Variants in DPP3 observed in about 807,000 individuals in gnomAD.
The protein encoded by DPP3 is DPP III.
In DPP3, 64 loss-of-function variants were observed where a neutral mutation model predicts 89.8. The observed-to-expected ratio is 0.71, with a 90% confidence interval of 0.58 to 0.88. DPP3 has a LOEUF of 0.88. Among genes scored for constraint, DPP3 ranks in the 40% least tolerant of loss-of-function variants. The probability of loss-of-function intolerance (pLI) is 0.00; values close to 1 mark genes in which losing one functional copy is unlikely to be tolerated. For missense variants in DPP3, 835 were observed against 972.5 expected (o/e 0.86, Z 1.88); for synonymous variants, 377 against 404.3 (o/e 0.93, Z 0.81).
rs1001089306 is a variant in DPP3 at position 66,480,434 on chromosome 11, A to G, written c.-40A>G. 4 of 1,484,470 alleles carry G rather than the reference A, an allele frequency of 2.7e-6. No individual in the cohort carries two copies. The highest frequency in any genetic ancestry group is 2.3e-5 in the Admixed American group (1 of 43,060). The allele number at this position is 1,484,470 out of a possible 1,614,324, so 92.0% of individuals were successfully genotyped here. On this transcript the variant is annotated 5_prime_UTR_variant, in exon 1 of 18. Transcript: ENST00000531863. ...AATGAATGGGGGAGCCGGAAGCAGGAAGTGAGTTTGCGAACGGAGCAGCTG... is the reference window on the plus strand; with the variant it reads ...AATGAATGGGGGAGCCGGAAGCAGGGAGTGAGTTTGCGAACGGAGCAGCTG...
chr11:66,501,123 G>A (rs887097396), intron 16 of DPP3, among the ~76,000 whole-genome samples: 1 of 151,822 alleles, frequency 6.6e-6, no homozygotes, highest in Admixed American at 6.6e-5. Flanking sequence ...GGAGGTGGAG[G>A]TTGCAGTGAG....
chr11:66,508,830 C>G (rs948618131), intron 17 of DPP3, among the ~76,000 whole-genome samples: 1 of 152,104 alleles, frequency 6.6e-6, no homozygotes, highest in East Asian at 1.9e-4. Context: ...CAGCCTAAAT[C>G]TTTATTTGAT....
At chr11:66,499,986 A>C (rs76902231) in intron 16 of DPP3, among the ~76,000 whole-genome samples, 1 of 152,072 alleles carries the variant, frequency 6.6e-6, no homozygotes, top group African/African-American at 2.4e-5. Context: ...CATCCACTAC[A>C]TGGTCTTGGA....
At chr11:66,488,566 A>G (rs946255260) in intron 6 of DPP3, among the ~76,000 whole-genome samples, 6 of 85,718 alleles carry the variant, frequency 7.0e-5, no homozygotes, top group Non-Finnish European at 1.4e-4. Flanking sequence ...CAGATCAAGG[A>G]AAAAAAAAAA....
rs777185278 is a variant in DPP3, at chr11:66,495,587, G to A, written c.1578-43G>A. 6.8e-6 allele frequency: 11 copies of A among 1,613,846 alleles called. No homozygotes were observed. The Admixed American group carries it at 1.7e-4, about 24-fold the overall frequency. ...GTAGTGGCCAGTGGGATGGGGACAG[G>A]GCAGCCTCTGACCATCCTGCCACCT... On this transcript the variant is annotated intron_variant, in intron 14 of 17. Transcript: ENST00000531863.
chr11:66,493,270 G>A, intron 11 of DPP3, 91 bp downstream of exon 11: 3 of 1,151,288 alleles, frequency 2.6e-6, no homozygotes, highest in South Asian at 2.8e-5. Flanking sequence ...AGAGAGGAAA[G>A]CACATAGCTT....
chr11:66,491,823 T>A (rs1321947771), intron 9 of DPP3, 67 bp downstream of exon 9: 1 of 1,568,116 alleles, frequency 6.4e-7, no homozygotes, highest in Non-Finnish European at 8.8e-7. Context: ...GTTTCCAGTG[T>A]CCCCTGATGG....
intron 16 of DPP3, among the ~76,000 whole-genome samples, chr11:66,502,131 TG>T (rs1460515915): frequency 6.6e-6 from 1 of 151,996 alleles, no homozygotes; most frequent in African/African-American, 2.4e-5. Flanking sequence ...AGGTGGAGGT[TG>T]CGTGAGCCAA....
intron 6 of DPP3, among the ~76,000 whole-genome samples, chr11:66,490,899 A>T (rs1334153454): frequency 6.6e-6 from 1 of 151,524 alleles, no homozygotes; most frequent in Admixed American, 6.6e-5. Context: ...CCTCCCGAGT[A>T]GCTGGCATGA....
chr11:66,504,166 A>G (rs1317103561), intron 16 of DPP3, among the ~76,000 whole-genome samples: 1 of 148,040 alleles, frequency 6.8e-6, no homozygotes, highest in Admixed American at 6.7e-5. Flanking sequence ...GGGTCTCACT[A>G]TGTTAACCAG....
rs1855236285 is a variant in DPP3 at position 66,486,626 on chromosome 11, G to A, written c.447G>A (p.Glu149=). Residue 149 remains glutamate (E), a synonymous_variant, in exon 4 of 18, where the codon GAG becomes GAA. Transcript: ENST00000531863. ...EVRGLWQTCG[E]LMFSLEPRLR... ...GGGGCCTCTGGCAGACCTGCGGGGA[G>A]CTTATGTTCTCTCTGGAGCCAAGGC... 1 of 1,582,610 alleles carries A rather than the reference G, an allele frequency of 6.3e-7. No homozygotes were observed. The highest frequency in any genetic ancestry group is 1.4e-5 in the African/African-American group (1 of 73,262).
chr11:66,495,549 T>G, intron 14 of DPP3, 60 bp downstream of exon 14: 1 of 1,611,540 alleles, frequency 6.2e-7, no homozygotes, highest in Non-Finnish European at 8.5e-7. Flanking sequence ...CCTGGGGGCG[T>G]GGAGGGTGGG....
chr11:66,493,684 C>T, intron 12 of DPP3, 51 bp downstream of exon 12: 1 of 1,542,574 alleles, frequency 6.5e-7, no homozygotes. Context: ...CTCCACTCCC[C>T]ACAACCTGCC....
At chr11:66,494,762 C>T (rs1005365302) in intron 12 of DPP3, among the ~76,000 whole-genome samples, 1 of 152,178 alleles carries the variant, frequency 6.6e-6, no homozygotes, top group East Asian at 1.9e-4. Context: ...TCAAAGGATG[C>T]TGCATGAAAG....
At chr11:66,494,292 G>T (rs566418568) in intron 12 of DPP3, among the ~76,000 whole-genome samples, 3 of 152,198 alleles carry the variant, frequency 2.0e-5, no homozygotes, top group South Asian at 4.2e-4. Context: ...GTGAGGTGTG[G>T]CCCCTCCCCT....
intron 6 of DPP3, among the ~76,000 whole-genome samples, chr11:66,489,118 C>T (rs759327503): frequency 8.5e-5 from 13 of 152,166 alleles, no homozygotes; most frequent in African/African-American, 2.4e-4. Flanking sequence ...GCGTGCCTCT[C>T]GGCCTCCCAG....
chr11:66,506,248 G>T (rs1367227575), intron 17 of DPP3, among the ~76,000 whole-genome samples: 1 of 128,318 alleles, frequency 7.8e-6, no homozygotes, highest in Non-Finnish European at 1.7e-5. Context: ...CACCATACCC[G>T]GCTATTTTAT....
chr11:66,499,153 C>T (rs914195307), intron 16 of DPP3, among the ~76,000 whole-genome samples: 6 of 151,812 alleles, frequency 4.0e-5, no homozygotes, highest in African/African-American at 1.5e-4. Context: ...ACGAGGTCAG[C>T]AGTTCGAGAC....
chr11:66,488,466 G>A (rs1201742853), intron 6 of DPP3, among the ~76,000 whole-genome samples: 1 of 152,016 alleles, frequency 6.6e-6, no homozygotes, highest in African/African-American at 2.4e-5. Context: ...GGAGACTGAG[G>A]CAGGAGAATC....
Sources: allele counts gnomAD v4.1 joint callset (sites outside exome capture counted in the v4.1 genomes callset), GRCh38; gene constraint gnomAD v4.1.1; transcripts MANE v1.5; gene names NCBI Gene and HGNC (gene_info 2026-07-23, HGNC 2026-07-21).